SCUBE3: variants seen among roughly 807,000 people sequenced by gnomAD.
SCUBE3 encodes signal peptide, CUB domain and EGF like domain containing 3.
SCUBE3 carries 33 observed loss-of-function variants against 116.8 expected under a neutral mutation model. That is an observed-to-expected ratio of 0.28 (90% CI 0.21 to 0.38). The LOEUF (loss-of-function observed/expected upper bound fraction) is 0.38. Ranked by LOEUF, SCUBE3 falls within the 10% of genes least tolerant of loss-of-function variation. The pLI, the probability that SCUBE3 is intolerant of heterozygous loss-of-function variation, is 1.00. For synonymous variants in SCUBE3, 418 were observed against 496.9 expected (o/e 0.84, Z 2.11); for missense variants, 1,007 against 1,324.8 (o/e 0.76, Z 3.72).
rs199942731 is a variant in SCUBE3, at chr6:35,241,674, G to C, written c.1312+15G>C. On this transcript the variant is annotated intron_variant, in intron 11 of 21. Coordinates refer to ENST00000274938, the MANE Select transcript of SCUBE3 (RefSeq NM_152753.4). This position sits in a 1 kb window ranked among gnomAD's most constrained non-coding sequence, Gnocchi z 4.1. ...ATTTTTGCCAGGTACATGGGAGGAGGGTGCTGGAGAGCTTTGGAGGAGAAA... is the reference window on the plus strand; with the variant it reads ...ATTTTTGCCAGGTACATGGGAGGAGCGTGCTGGAGAGCTTTGGAGGAGAAA... The C allele has an allele frequency of 1.9e-6, 3 of 1,577,270 alleles. No homozygotes were observed. Among genetic ancestry groups the C allele is most frequent in the Non-Finnish European group, 2.6e-6 (3 of 1,146,234 alleles).
rs759441950 is a variant in SCUBE3, at chr6:35,227,692, A to T, written c.198A>T (p.Lys66Asn). ...AGTCTGGCTACACAGGGGACGGCAAACACTGCAAAGGTGAGGCTGGAAGGG... is the reference window on the plus strand; with the variant it reads ...AGTCTGGCTACACAGGGGACGGCAATCACTGCAAAGGTGAGGCTGGAAGGG... ...ICKSGYTGDGKHCKDVDECER... is the reference protein window; with the variant it reads ...ICKSGYTGDGNHCKDVDECER... The change falls in exon 2 of 22, where the codon AAA (lysine) becomes AAT (asparagine). Residue 66 changes from lysine to asparagine, a missense_variant. Lys to Asn is a moderately conservative substitution (Grantham distance 94). Coordinates refer to ENST00000274938, the MANE Select transcript of SCUBE3 (RefSeq NM_152753.4). 24 of 1,614,050 alleles carry T rather than the reference A, an allele frequency of 1.5e-5. No individual in the cohort carries two copies. Among genetic ancestry groups the T allele is most frequent in the Non-Finnish European group, 7.6e-6 (9 of 1,180,030 alleles).
At chr6:35,217,262 G>GGGGGGGGGGGGGGGA in intron 1 of SCUBE3, among the ~76,000 whole-genome samples, 1 of 109,928 alleles carries the variant, frequency 9.1e-6, no homozygotes, top group Non-Finnish European at 1.9e-5. Context: ...GCGGGGGGGG[G>GGGGGGGGGGGGGGGA]GGTGTGTGCA....
In SCUBE3 at chr6:35,239,458, C is replaced by T. The variant is rs1365055095; in HGVS notation, c.830-294C>T. On this transcript the variant is annotated intron_variant, in intron 7 of 21. Coordinates refer to ENST00000274938, the MANE Select transcript of SCUBE3 (RefSeq NM_152753.4). The surrounding 1 kb of genome is among the most constrained non-coding windows in gnomAD (Gnocchi z 4.1). ...ACCTGCCCCTCCTCTAGGTAATTCCCTGAGGGCCTGTTCCTAGTTTTGGTT... is the reference window on the plus strand; with the variant it reads ...ACCTGCCCCTCCTCTAGGTAATTCCTTGAGGGCCTGTTCCTAGTTTTGGTT... Among the ~76,000 whole-genome samples the T allele has an allele frequency of 2.0e-5, 3 of 152,166 alleles. No individual in the cohort carries two copies. The highest frequency in any genetic ancestry group is 2.9e-5 in the Non-Finnish European group (2 of 68,038).
At chr6:35,247,471 GT>G (rs1269590940) in intron 21 of SCUBE3, among the ~76,000 whole-genome samples, 2 of 148,934 alleles carry the variant, frequency 1.3e-5, no homozygotes, top group Non-Finnish European at 3.0e-5. Flanking sequence ...TATAGTCGTA[GT>G]CATAGAATTA....
Position 35,239,324 on chromosome 6 carries a change from C to G in SCUBE3, c.830-428C>G, listed in dbSNP as rs1028572057. 2.6e-5 allele frequency among the ~76,000 whole-genome samples: 4 copies of G among 152,128 alleles called. No homozygotes were observed. Among genetic ancestry groups the G allele is most frequent in the African/African-American group, 7.2e-5 (3 of 41,416 alleles). ...TCCACCTCTCCTTGCCCCGCACCCCCCCAACCCCCCGTCCTGAGGGACAGG... is the reference window on the plus strand; with the variant it reads ...TCCACCTCTCCTTGCCCCGCACCCCGCCAACCCCCCGTCCTGAGGGACAGG... On this transcript the variant is annotated intron_variant, in intron 7 of 21. Transcript: ENST00000274938. The surrounding 1 kb of genome is among the most constrained non-coding windows in gnomAD (Gnocchi z 4.1).
chr6:35,242,516 C>A, intron 13 of SCUBE3, 106 bp from the exon 14 acceptor site: 1 of 1,137,272 alleles, frequency 8.8e-7, no homozygotes, highest in Non-Finnish European at 1.3e-6. Flanking sequence ...TAGACTAAAA[C>A]AGGATTGAGA....
At chr6:35,238,728 A>G (rs921450395) in intron 7 of SCUBE3, among the ~76,000 whole-genome samples, 2 of 152,202 alleles carry the variant, frequency 1.3e-5, no homozygotes, top group Non-Finnish European at 2.9e-5. Context: ...CTTCCTTTTA[A>G]TTAGCCAGGT....
At chr6:35,238,882 A>G (rs1013677801) in intron 7 of SCUBE3, among the ~76,000 whole-genome samples, 11 of 152,136 alleles carry the variant, frequency 7.2e-5, no homozygotes, top group Admixed American at 3.9e-4. Context: ...TTGGCCCAAC[A>G]GCTGCGAGAG....
Position 35,231,673 on chromosome 6 carries a change from C to G in SCUBE3, c.335-52C>G. The G allele has an allele frequency of 6.5e-7, 1 of 1,549,326 alleles. No homozygotes were observed. On this transcript the variant is annotated intron_variant, in intron 3 of 21. Coordinates refer to ENST00000274938, the MANE Select transcript of SCUBE3 (RefSeq NM_152753.4). This position sits in a 1 kb window ranked among gnomAD's most constrained non-coding sequence, Gnocchi z 4.2. ...TTTGGTGCTGAAGTCTTGGGATATA[C>G]CCTGGACCCTGCCTGTACCCCATGA...
rs1490511162 is a variant in SCUBE3, at chr6:35,231,846, C to T, written c.456C>T (p.Ile152=). Residue 152 remains isoleucine (I), a synonymous_variant, in exon 4 of 22, where the codon ATC becomes ATT. Coordinates refer to ENST00000274938, the MANE Select transcript of SCUBE3 (RefSeq NM_152753.4). The surrounding 1 kb of genome is among the most constrained non-coding windows in gnomAD (Gnocchi z 4.2). ...TCAGCGACAACCAGCATACCTGTAT[C>T]CAGCGGCCAGAAGGTCAGCCCATGA... ...FFLSDNQHTC[I]QRPEEGMNCM... The T allele has an allele frequency of 5.6e-6, 9 of 1,611,510 alleles. No individual in the cohort carries two copies. The East Asian group carries it at 6.7e-5, about 12-fold the overall frequency.
Position 35,237,941 on chromosome 6 carries a change from G to C in SCUBE3, c.752G>C (p.Cys251Ser). ...AACAACGGGGGCTGTGACAGTAAGT[G>C]CCATGATGCAGCGACTGGTGTCCAC... is the stretch of plus-strand genomic sequence containing the variant. ...AVNNGGCDSK[C>S]HDAATGVHCT... is the part of the protein sequence containing the mutation. Residue 251 changes from cysteine (C) to serine (S), a missense_variant, in exon 7 of 22, where the codon TGC becomes TCC. By Grantham distance (112) the Cys-to-Ser change is moderately radical. Transcript: ENST00000274938. 2.5e-6 allele frequency: 4 copies of C among 1,613,286 alleles called. No homozygotes were observed. Among genetic ancestry groups the C allele is most frequent in the Non-Finnish European group, 3.4e-6 (4 of 1,179,298 alleles).
At position 35,228,547 on chromosome 6, in the gene SCUBE3, C is replaced by T; in HGVS notation, c.209-67C>T. The T allele has an allele frequency of 2.5e-6, 4 of 1,572,994 alleles. No individual in the cohort carries two copies. The highest frequency in any genetic ancestry group is 2.6e-6 in the Non-Finnish European group (3 of 1,148,884). On this transcript the variant is annotated intron_variant, in intron 2 of 21. Coordinates refer to ENST00000274938, the MANE Select transcript of SCUBE3 (RefSeq NM_152753.4). This position sits in a 1 kb window ranked among gnomAD's most constrained non-coding sequence, Gnocchi z 4.9. Reference sequence around the variant, plus strand: ...TAACTATGTAAACACAACCATAAGGCTGAGTCTGGGGGTGGACAGTGGGTT... The same window carrying T: ...TAACTATGTAAACACAACCATAAGGTTGAGTCTGGGGGTGGACAGTGGGTT...
rs755191069 is a variant in SCUBE3 at position 35,245,314 on chromosome 6, T to A, written c.2488T>A (p.Cys830Ser). The A allele has an allele frequency of 6.2e-7, 1 of 1,613,814 alleles. No individual in the cohort carries two copies. The highest frequency in any genetic ancestry group is 8.5e-7 in the Non-Finnish European group (1 of 1,179,872). Residue 830 changes from cysteine to serine, a missense_variant, in exon 19 of 22, where the codon TGC (cysteine) becomes AGC (serine). By Grantham distance (112) the Cys-to-Ser change is moderately radical. Transcript: ENST00000274938. This position sits in a 1 kb window ranked among gnomAD's most constrained non-coding sequence, Gnocchi z 4.2. ...GGGCAACTACCCAGCTGGTGTGGAG[T>A]GCATCTGGAACATCAACCCCCCACC... Reference protein sequence around the residue: ...YPGNYPAGVECIWNINPPPKR... With the variant: ...YPGNYPAGVESIWNINPPPKR...
rs1784210904 is a variant in SCUBE3, at chr6:35,243,933, C to T, written c.2072-30C>T. 6.2e-7 allele frequency: 1 copy of T among 1,607,554 alleles called. No individual in the cohort carries two copies. Among genetic ancestry groups the T allele is most frequent in the South Asian group, 1.1e-5 (1 of 90,196 alleles). On this transcript the variant is annotated intron_variant, in intron 16 of 21. Coordinates refer to ENST00000274938, the MANE Select transcript of SCUBE3 (RefSeq NM_152753.4). This position sits in a 1 kb window ranked among gnomAD's most constrained non-coding sequence, Gnocchi z 6.6. ...CATGGGGATGACTCAGGACCATCCCCATCAGAGTTGGGCCCTTGATTCATT... is the reference window on the plus strand; with the variant it reads ...CATGGGGATGACTCAGGACCATCCCTATCAGAGTTGGGCCCTTGATTCATT...
In SCUBE3 at chr6:35,243,197, T is replaced by A; in HGVS notation, c.1870T>A (p.Ser624Thr). Residue 624 changes from serine (S) to threonine (T), a missense_variant, in exon 15 of 22, where the codon TCC (serine) becomes ACC (threonine). This residue lies in a region of SCUBE3 where 544 missense variants were observed against 638.9 expected (regional missense o/e 0.85). Coordinates refer to ENST00000274938, the MANE Select transcript of SCUBE3 (RefSeq NM_152753.4). This position sits in a 1 kb window ranked among gnomAD's most constrained non-coding sequence, Gnocchi z 6.6. ...VAGERAEPME[S>T]CRPGQHRAGT... ...CGGGGAGCGAGCAGAGCCGATGGAG[T>A]CCTGTAGGCCCGGGCAGCACCGTGC... 6.2e-7 allele frequency: 1 copy of A among 1,613,848 alleles called. No homozygotes were observed. Among genetic ancestry groups the A allele is most frequent in the Non-Finnish European group, 8.5e-7 (1 of 1,179,970 alleles).
Position 35,214,399 on chromosome 6 carries a change from G to A in SCUBE3, c.-20G>A. On this transcript the variant is annotated 5_prime_UTR_variant, in exon 1 of 22. Transcript: ENST00000274938. The surrounding 1 kb of genome is among the most constrained non-coding windows in gnomAD (Gnocchi z 6.3). ...GCCGCGAGACCGGCCCCGGCGGCTG[G>A]GCCGCCAGTAGCTCCAGCCATGGGC... is the stretch of plus-strand genomic sequence containing the variant. 1 of 1,420,226 alleles carries A rather than the reference G, an allele frequency of 7.0e-7. No individual in the cohort carries two copies. The highest frequency in any genetic ancestry group is 9.2e-7 in the Non-Finnish European group (1 of 1,082,698). The allele number at this position is 1,420,226 out of a possible 1,614,324, so 88.0% of individuals were successfully genotyped here.
Position 35,242,258 on chromosome 6 carries a change from A to C in SCUBE3, c.1472A>C (p.Lys491Thr), listed in dbSNP as rs1784102273. 6.2e-7 allele frequency: 1 copy of C among 1,614,026 alleles called. No homozygotes were observed. Among genetic ancestry groups the C allele is most frequent in the Non-Finnish European group, 8.5e-7 (1 of 1,179,998 alleles). ...GCCTCCTTCAAGATCAAGGATGCCA[A>C]ATGCCGTTTGCACCTGCGAAACAAA... ...QRASFKIKDA[K>T]CRLHLRNKGK... is the part of the protein sequence containing the mutation. Residue 491 changes from lysine (K) to threonine (T), a missense_variant, in exon 13 of 22, where the codon AAA becomes ACA. By Grantham distance (78) the Lys-to-Thr change is moderately conservative. Coordinates refer to ENST00000274938, the MANE Select transcript of SCUBE3 (RefSeq NM_152753.4).
At chr6:35,227,141 T>G (rs1783360926) in intron 1 of SCUBE3, among the ~76,000 whole-genome samples, 1 of 152,136 alleles carries the variant, frequency 6.6e-6, no homozygotes, top group Admixed American at 6.5e-5. Flanking sequence ...CCTTTCTTCC[T>G]CCTTTACTAG....
chr6:35,227,755 A>C, intron 2 of SCUBE3, 53 bp downstream of exon 2: 3 of 1,598,158 alleles, frequency 1.9e-6, no homozygotes, highest in South Asian at 2.2e-5. Flanking sequence ...AAGGCAAACC[A>C]GTGCCACTGC....
Sources: allele counts gnomAD v4.1 joint callset (sites outside exome capture counted in the v4.1 genomes callset), GRCh38; gene constraint gnomAD v4.1.1; regional missense constraint gnomAD v4.1.1; non-coding constraint Gnocchi (gnomAD v3.1); transcripts MANE v1.5; gene names NCBI Gene and HGNC (gene_info 2026-07-23, HGNC 2026-07-21).